Variants in ZC3H4 observed in about 807,000 individuals in gnomAD.
The protein encoded by ZC3H4 is zinc finger CCCH domain-containing protein 4.
ZC3H4 carries 13 observed loss-of-function variants against 108.3 expected under a neutral mutation model. The ratio of observed to expected loss-of-function variants is 0.12; its 90% CI spans 0.08 to 0.19. The LOEUF (loss-of-function observed/expected upper bound fraction) is 0.19. Ranked by LOEUF, ZC3H4 falls within the 10% of genes least tolerant of loss-of-function variation. The pLI is 1.00. For missense variants in ZC3H4, 1,734 were observed against 1,838.8 expected (o/e 0.94, Z 1.04); for synonymous variants, 917 against 749.6 (o/e 1.22, Z -3.65).
intron 11 of ZC3H4, among the ~76,000 whole-genome samples, chr19:47,078,997 A>G (rs1426834588): frequency 6.7e-6 from 1 of 148,804 alleles, no homozygotes; most frequent in Non-Finnish European, 1.5e-5. Flanking sequence ...ATTGCACTCC[A>G]GCCTGGACAA....
At chr19:47,070,417 C>T (rs545997870) in intron 13 of ZC3H4, among the ~76,000 whole-genome samples, 6 of 152,294 alleles carry the variant, frequency 3.9e-5, no homozygotes, top group African/African-American at 1.4e-4. Flanking sequence ...ACAGTCTGTG[C>T]ACACACCAGA....
At chr19:47,112,391 G>A (rs979514380) in intron 2 of ZC3H4, 33 bp downstream of exon 2, 1 of 1,232,226 alleles carries the variant, frequency 8.1e-7, no homozygotes, top group Non-Finnish European at 1.0e-6. Context: ...CCTCCCCCCG[G>A]GGACGCAGCC....
intron 11 of ZC3H4, among the ~76,000 whole-genome samples, chr19:47,077,399 C>CGGA (rs1243649817): frequency 6.6e-6 from 1 of 150,402 alleles, no homozygotes; most frequent in African/African-American, 2.5e-5. Context: ...ACCCAGGAGG[C>CGGA]GGAGGTTGCA....
Position 47,081,675 on chromosome 19 carries a change from C to T in ZC3H4, c.1331-53G>A. On this transcript the variant is annotated intron_variant, in intron 10 of 14. Transcript: ENST00000253048. The stretch of plus-strand genomic sequence containing the variant: ...CATCTCACAGAACGCCCCCCTCCCC[C>T]ACCACAGACCCAAGGCAGAATCCAG... The T allele has an allele frequency of 2.1e-6, 3 of 1,451,750 alleles. No individual in the cohort carries two copies. In the Admixed American group the frequency reaches 5.0e-5, roughly 24 times the overall value. The allele number at this position is 1,451,750 out of a possible 1,614,324, so 89.9% of individuals were successfully genotyped here.
chr19:47,112,078 G>A (rs2058046385), intron 2 of ZC3H4: 5 of 1,003,482 alleles, frequency 5.0e-6, no homozygotes, highest in Non-Finnish European at 3.6e-6. Flanking sequence ...GGTCTCCGCA[G>A]CACCCCCCAC....
At position 47,067,641 on chromosome 19, in the gene ZC3H4, GCCTCCA is replaced by G; in HGVS notation, c.2621_2626del (p.Val874_Glu875del). On this transcript the variant is annotated inframe_deletion, in exon 15 of 15. Coordinates refer to ENST00000253048, the MANE Select transcript of ZC3H4 (RefSeq NM_015168.2). This position sits in a 1 kb window ranked among gnomAD's most constrained non-coding sequence, Gnocchi z 6.4. Reference sequence around the variant, plus strand: ...ATCACCTGGGCCAGACCCGCCAGAAGCCTCCACATGGCGGGTGAGTCTGGGGTCCCG... The same window carrying G: ...ATCACCTGGGCCAGACCCGCCAGAAGCATGGCGGGTGAGTCTGGGGTCCCG... The G allele has an allele frequency of 6.2e-7, 1 of 1,604,982 alleles. No homozygotes were observed.
intron 6 of ZC3H4, 81 bp from the exon 7 acceptor site, chr19:47,085,495 T>G (rs1457201661): frequency 1.5e-6 from 2 of 1,290,460 alleles, no homozygotes; most frequent in East Asian, 2.3e-5. Context: ...CTGCTCCTTT[T>G]TGAAGGATGG....
At chr19:47,107,272 C>A (rs1273503073) in intron 2 of ZC3H4, among the ~76,000 whole-genome samples, 1 of 152,180 alleles carries the variant, frequency 6.6e-6, no homozygotes, top group Non-Finnish European at 1.5e-5. Context: ...TGTAAAAGTT[C>A]TGTTTCAAAT....
At chr19:47,111,024 G>A (rs1600122139) in intron 2 of ZC3H4, 1 of 662,766 alleles carries the variant, frequency 1.5e-6, no homozygotes, top group African/African-American at 2.0e-5. Flanking sequence ...AGCCTGGCAA[G>A]GGAAGCCCTG....
At chr19:47,077,524 T>C (rs1343520452) in intron 11 of ZC3H4, among the ~76,000 whole-genome samples, 1 of 150,092 alleles carries the variant, frequency 6.7e-6, no homozygotes, top group East Asian at 2.0e-4. Flanking sequence ...GATAAAATGC[T>C]AAGAACTGCT....
intron 2 of ZC3H4, among the ~76,000 whole-genome samples, chr19:47,105,508 G>C (rs994314773): frequency 2.0e-5 from 3 of 152,178 alleles, no homozygotes; most frequent in Non-Finnish European, 4.4e-5. Context: ...GCTGAAGCAG[G>C]AGAATCCCTT....
chr19:47,113,666 T>G (rs2058067577), intron 1 of ZC3H4, 54 bp downstream of exon 1: 1 of 148,788 alleles, frequency 6.7e-6, no homozygotes, highest in African/African-American at 2.5e-5. Flanking sequence ...TAGTTTTAGG[T>G]GGGAGAATGG....
Position 47,085,307 on chromosome 19 carries a change from C to T in ZC3H4, c.967+11G>A, listed in dbSNP as rs2057599675. 6.3e-7 allele frequency: 1 copy of T among 1,591,084 alleles called. No homozygotes were observed. The highest frequency in any genetic ancestry group is 1.4e-5 in the African/African-American group (1 of 73,168). Reference sequence around the variant, plus strand: ...CCCCACCCAGCGTGTCCTCTCCAGGCCCCTGCCCACCTCGGCCTCGGCTGT... The same window carrying T: ...CCCCACCCAGCGTGTCCTCTCCAGGTCCCTGCCCACCTCGGCCTCGGCTGT... On this transcript the variant is annotated intron_variant, in intron 7 of 14. Transcript: ENST00000253048.
At chr19:47,078,600 C>T (rs2057464454) in intron 11 of ZC3H4, among the ~76,000 whole-genome samples, 1 of 152,136 alleles carries the variant, frequency 6.6e-6, no homozygotes. Context: ...TCGAGACCAG[C>T]CTGGCCAACA....
intron 2 of ZC3H4, among the ~76,000 whole-genome samples, chr19:47,109,860 C>G (rs1389822061): frequency 6.6e-6 from 1 of 152,118 alleles, no homozygotes; most frequent in South Asian, 2.1e-4. Flanking sequence ...TGTCTTTTAA[C>G]GGAACTTATG....
Position 47,112,558 on chromosome 19 carries a change from CGGG to C in ZC3H4, c.24_26del (p.Pro12del). On this transcript the variant is annotated inframe_deletion, in exon 2 of 15. Coordinates refer to ENST00000253048, the MANE Select transcript of ZC3H4 (RefSeq NM_015168.2). ...GCGGCGGCGACTCTGATGGCGGCGG[CGGG>C]GGGGTCCCGGGCGCGGCCTCCATAG... is the stretch of plus-strand genomic sequence containing the variant. 4.9e-6 allele frequency: 5 copies of C among 1,016,844 alleles called. No individual in the cohort carries two copies. The highest frequency in any genetic ancestry group is 6.3e-6 in the Non-Finnish European group (5 of 789,330). 63.0% of individuals were successfully genotyped at this position (1,016,844 alleles called of 1,614,324 possible).
Position 47,085,312 on chromosome 19 carries a change from G to A in ZC3H4, c.967+6C>T. On this transcript the variant is annotated splice_donor_region_variant and intron_variant, in intron 7 of 14. Coordinates refer to ENST00000253048, the MANE Select transcript of ZC3H4 (RefSeq NM_015168.2). ...CCCAGCGTGTCCTCTCCAGGCCCCT[G>A]CCCACCTCGGCCTCGGCTGTCCTTG... is the stretch of plus-strand genomic sequence containing the variant. 6.3e-7 allele frequency: 1 copy of A among 1,576,494 alleles called. No individual in the cohort carries two copies. Among genetic ancestry groups the A allele is most frequent in the Non-Finnish European group, 8.6e-7 (1 of 1,165,456 alleles).
Position 47,094,076 on chromosome 19 carries a change from T to C in ZC3H4, c.386A>G (p.His129Arg), listed in dbSNP as rs2057782202. Residue 129 changes from histidine (H) to arginine (R), a missense_variant, in exon 4 of 15, where the codon CAT (histidine) becomes CGT (arginine). This residue lies in a region of ZC3H4 where 403 missense variants were observed against 457.0 expected (regional missense o/e 0.88). Coordinates refer to ENST00000253048, the MANE Select transcript of ZC3H4 (RefSeq NM_015168.2). ...KKRRKSKHKR[H>R]ASSSDDFSDF... is the part of the protein sequence containing the mutation. ...AGAGAAGTCATCGCTAGAAGAAGCA[T>C]GGCGCTGTAATGACAGGGGAAGGAG... is the stretch of plus-strand genomic sequence containing the variant. 5 of 1,613,936 alleles carry C rather than the reference T, an allele frequency of 3.1e-6. No individual in the cohort carries two copies. The highest frequency in any genetic ancestry group is 2.2e-5 in the East Asian group (1 of 44,890).
intron 14 of ZC3H4, among the ~76,000 whole-genome samples, chr19:47,068,816 A>T (rs912714084): frequency 6.6e-6 from 1 of 152,202 alleles, no homozygotes; most frequent in Non-Finnish European, 1.5e-5. Flanking sequence ...ACAGGCGGTC[A>T]ATCCTGTTGG....
Sources: allele counts gnomAD v4.1 joint callset (sites outside exome capture counted in the v4.1 genomes callset), GRCh38; gene constraint gnomAD v4.1.1; regional missense constraint gnomAD v4.1.1; non-coding constraint Gnocchi (gnomAD v3.1); transcripts MANE v1.5; gene names NCBI Gene and HGNC (gene_info 2026-07-23, HGNC 2026-07-21).